ZNF222: variants seen among roughly 807,000 people sequenced by gnomAD.
ZNF222 encodes the protein zinc finger protein 222.
ZNF222 carries 8 observed loss-of-function variants against 11.6 expected under a neutral mutation model. That is an observed-to-expected ratio of 0.69 (90% CI 0.41 to 1.25). The LOEUF (loss-of-function observed/expected upper bound fraction) is 1.25, where lower values mean the gene tolerates loss of function less well. Ranked by LOEUF, ZNF222 falls within the 50% of genes most tolerant of loss-of-function variation. The pLI is 0.01. For missense variants in ZNF222, 483 were observed against 576.1 expected, an observed-to-expected ratio of 0.84 and a Z score of 1.65; for synonymous variants, 171 against 195.6, an observed-to-expected ratio of 0.87 and a Z score of 1.05.
intron 2 of ZNF222, 68 bp downstream of exon 2, chr19:44,027,217 C>T (rs1976397200): frequency 1.9e-6 from 3 of 1,598,854 alleles, no homozygotes; most frequent in South Asian, 2.2e-5. Context: ...CTAGGGTTTT[C>T]AAGTTTGAGT....
At position 44,025,416 on chromosome 19, in the gene ZNF222, C is replaced by G; in HGVS notation, c.-21C>G. 1 of 1,551,626 alleles carries G rather than the reference C, an allele frequency of 6.4e-7. No homozygotes were observed. The highest frequency in any genetic ancestry group is 1.2e-5 in the South Asian group (1 of 84,052). On this transcript the variant is annotated 5_prime_UTR_variant, in exon 1 of 4. Coordinates refer to ENST00000391960, the MANE Select transcript of ZNF222 (RefSeq NM_001129996.2). This position sits in a 1 kb window ranked among gnomAD's most constrained non-coding sequence, Gnocchi z 4.6. ...AGTCCTTCCGAACGAGTCTCCTTTC[C>G]TTGGGGCTCGCAACCACCCAATGAT...
Position 44,032,984 on chromosome 19 carries a change from G to A in ZNF222, c.1430G>A (p.Arg477His), listed in dbSNP as rs201894025. Reference protein sequence around the residue: ...CEDCGKRYKRRLNLDIILSLF... With the variant: ...CEDCGKRYKRHLNLDIILSLF... ...GACTGTGGGAAGCGCTACAAGAGGCGCTTGAATCTGGATATAATTTTATCA... is the reference window on the plus strand; with the variant it reads ...GACTGTGGGAAGCGCTACAAGAGGCACTTGAATCTGGATATAATTTTATCA... The change falls in exon 4 of 4, where the codon CGC (arginine) becomes CAC (histidine). Residue 477 changes from arginine to histidine, a missense_variant. Physicochemically the swap from Arg to His is conservative, Grantham distance 29. Transcript: ENST00000391960. 190 of 1,569,862 alleles carry A rather than the reference G, an allele frequency of 1.2e-4. No individual in the cohort carries two copies. Among genetic ancestry groups the A allele is most frequent in the Middle Eastern group, 3.4e-4 (2 of 5,836 alleles).
chr19:44,029,378 C>G (rs910118529), intron 3 of ZNF222, among the ~76,000 whole-genome samples: 7 of 151,938 alleles, frequency 4.6e-5, no homozygotes, highest in Admixed American at 2.6e-4. Context: ...TTGAGCTTTC[C>G]TTAAGGACCG....
Position 44,033,104 on chromosome 19 carries a change from C to T in ZNF222, c.*74C>T. Reference sequence around the variant, plus strand: ...TGCTGATTAAATCAGTTTAATTTCACCTGAAACATTATTTGTGTTGGAAAA... The same window carrying T: ...TGCTGATTAAATCAGTTTAATTTCATCTGAAACATTATTTGTGTTGGAAAA... On this transcript the variant is annotated 3_prime_UTR_variant, in exon 4 of 4. Transcript: ENST00000391960. 7.6e-7 allele frequency: 1 copy of T among 1,316,264 alleles called. No homozygotes were observed. The highest frequency in any genetic ancestry group is 9.9e-7 in the Non-Finnish European group (1 of 1,008,990). The allele number at this position is 1,316,264 out of a possible 1,614,324, so 81.5% of individuals were successfully genotyped here.
At chr19:44,028,118 C>G (rs1976420530) in intron 3 of ZNF222, 1 of 399,532 alleles carries the variant, frequency 2.5e-6, no homozygotes, top group Non-Finnish European at 4.4e-6. Context: ...CCTCCATCTT[C>G]AAAAGCAGCT....
At chr19:44,029,177 G>GTT (rs1568503536) in intron 3 of ZNF222, among the ~76,000 whole-genome samples, 1 of 125,914 alleles carries the variant, frequency 7.9e-6, no homozygotes, top group African/African-American at 3.2e-5. Flanking sequence ...ACAGTTGTTG[G>GTT]TTTGTTTTGT....
chr19:44,032,941 A>C lies in ZNF222; in HGVS notation c.1387A>C (p.Asn463His). The change falls in exon 4 of 4, where the codon AAC (asparagine) becomes CAC (histidine). Residue 463 changes from asparagine to histidine, a missense_variant. By Grantham distance (68) the Asn-to-His change is moderately conservative (BLOSUM62 1). Coordinates refer to ENST00000391960, the MANE Select transcript of ZNF222 (RefSeq NM_001129996.2). Reference protein sequence around the residue: ...KDQQRDHSGENPSKCEDCGKR... With the variant: ...KDQQRDHSGEHPSKCEDCGKR... The stretch of plus-strand genomic sequence containing the variant: ...CCAACAAAGAGACCACAGTGGAGAA[A>C]ACCCATCCAAATGTGAGGACTGTGG... 2 of 1,607,650 alleles carry C rather than the reference A, an allele frequency of 1.2e-6. No individual in the cohort carries two copies. Among genetic ancestry groups the C allele is most frequent in the Non-Finnish European group, 1.7e-6 (2 of 1,178,414 alleles).
chr19:44,032,391 G>T lies in ZNF222; in HGVS notation c.837G>T (p.Met279Ile). The change falls in exon 4 of 4, where the codon ATG becomes ATT. Residue 279 changes from methionine (M) to isoleucine (I), a missense_variant. By Grantham distance (10) the Met-to-Ile change is conservative (BLOSUM62 1). Transcript: ENST00000391960. ...YNCEKCGKAF[M>I]HNFQLQKHHR... ...GTGAGAAATGTGGGAAGGCTTTCAT[G>T]CACAATTTCCAGCTTCAGAAACATC... 3 of 1,614,142 alleles carry T rather than the reference G, an allele frequency of 1.9e-6. No homozygotes were observed. The highest frequency in any genetic ancestry group is 2.5e-6 in the Non-Finnish European group (3 of 1,180,036).
At chr19:44,027,564 G>T in intron 3 of ZNF222, 74 bp downstream of exon 3, 1 of 1,435,752 alleles carries the variant, frequency 7.0e-7, no homozygotes, top group Non-Finnish European at 9.7e-7. Flanking sequence ...CCAGCATTTT[G>T]GGGTAAATGG....
At position 44,032,494 on chromosome 19, in the gene ZNF222, A is replaced by G. The variant is rs959863874; in HGVS notation, c.940A>G (p.Arg314Gly). 8.7e-6 allele frequency: 14 copies of G among 1,614,110 alleles called. No homozygotes were observed. The African/African-American group carries it at 1.2e-4, about 14-fold the overall frequency. Residue 314 changes from arginine to glycine, a missense_variant, in exon 4 of 4, where the codon AGG (arginine) becomes GGG (glycine). Physicochemically the swap from Arg to Gly is moderately radical, Grantham distance 125 (BLOSUM62 -2). Transcript: ENST00000391960. ...KSFCLRSSLN[R>G]HCMVHTAEKL... Reference sequence around the variant, plus strand: ...CTTCTGTCTTAGGTCAAGTCTTAATAGGCATTGCATGGTCCACACAGCAGA... The same window carrying G: ...CTTCTGTCTTAGGTCAAGTCTTAATGGGCATTGCATGGTCCACACAGCAGA...
At chr19:44,026,054 G>A (rs767215399) in intron 1 of ZNF222, 192 of 1,613,364 alleles carry the variant, frequency 1.2e-4, no homozygotes, top group Non-Finnish European at 1.5e-4. Flanking sequence ...GCTGCAGGAA[G>A]GGACTTCTTG....
Position 44,032,264 on chromosome 19 carries a change from G to C in ZNF222, c.710G>C (p.Gly237Ala). Residue 237 changes from glycine (G) to alanine (A), a missense_variant, in exon 4 of 4, where the codon GGA becomes GCA. Transcript: ENST00000391960. ...RLQTHQRVHT[G>A]EKPFKCEQCG... The stretch of plus-strand genomic sequence containing the variant: ...CAAACTCATCAAAGAGTCCACACTG[G>C]AGAGAAACCATTCAAATGTGAGCAG... 1 of 1,614,236 alleles carries C rather than the reference G, an allele frequency of 6.2e-7. No individual in the cohort carries two copies.
chr19:44,028,504 A>G (rs1416199862), intron 3 of ZNF222: 1 of 357,814 alleles, frequency 2.8e-6, no homozygotes, highest in Non-Finnish European at 5.0e-6. Context: ...CTCAGTTTTA[A>G]TATCATGGGA....
Position 44,025,483 on chromosome 19 carries a change from G to A in ZNF222, c.42+5G>A, listed in dbSNP as rs1321334040. The A allele has an allele frequency of 6.5e-7, 1 of 1,546,504 alleles. No homozygotes were observed. Reference sequence around the variant, plus strand: ...AAGCCTGGGCGGAGAGCAGAGGTTTGGAGGGGCGCGGGCGGGGATTGCCGT... The same window carrying A: ...AAGCCTGGGCGGAGAGCAGAGGTTTAGAGGGGCGCGGGCGGGGATTGCCGT... On this transcript the variant is annotated splice_donor_5th_base_variant and intron_variant, in intron 1 of 3. Coordinates refer to ENST00000391960, the MANE Select transcript of ZNF222 (RefSeq NM_001129996.2). The surrounding 1 kb of genome is among the most constrained non-coding windows in gnomAD (Gnocchi z 4.6).
At position 44,031,926 on chromosome 19, in the gene ZNF222, A is replaced by C. The variant is rs771197669; in HGVS notation, c.372A>C (p.Gln124His). 1 of 1,614,252 alleles carries C rather than the reference A, an allele frequency of 6.2e-7. No individual in the cohort carries two copies. Among genetic ancestry groups the C allele is most frequent in the South Asian group, 1.1e-5 (1 of 91,088 alleles). The change falls in exon 4 of 4, where the codon CAA (glutamine) becomes CAC (histidine). Residue 124 changes from glutamine to histidine, a missense_variant. Physicochemically the swap from Gln to His is conservative, Grantham distance 24. Coordinates refer to ENST00000391960, the MANE Select transcript of ZNF222 (RefSeq NM_001129996.2). ...TTGCAAGTGACTTAACCAGGTCTCA[A>C]GATACCACCATAAGTAACTCTCAGT... ...EQIASDLTRS[Q>H]DTTISNSQLF...
chr19:44,032,586 G>T lies in ZNF222; in HGVS notation c.1032G>T (p.Gln344His). The change falls in exon 4 of 4, where the codon CAG becomes CAT. Residue 344 changes from glutamine to histidine, a missense_variant. Gln to His is a conservative substitution (Grantham distance 24, BLOSUM62 0). Transcript: ENST00000391960. ...ATAGGCTAGATTTGCATAAGCATCA[G>T]ATGATTCATATGGGACAGAAACCAT... ...FIDRLDLHKH[Q>H]MIHMGQKPYN... 6.2e-7 allele frequency: 1 copy of T among 1,614,160 alleles called. No individual in the cohort carries two copies. Among genetic ancestry groups the T allele is most frequent in the Non-Finnish European group, 8.5e-7 (1 of 1,180,042 alleles).
At position 44,027,058 on chromosome 19, in the gene ZNF222, C is replaced by T. The variant is rs1976391183; in HGVS notation, c.78C>T (p.Phe26=). Residue 26 remains phenylalanine (F), a synonymous_variant, in exon 2 of 4, where the codon TTC becomes TTT. Transcript: ENST00000391960. The stretch of plus-strand genomic sequence containing the variant: ...CCTTCAAGGATGTGGCTGTGATCTT[C>T]ACTGAGGAGGAGCTGGGGCTGCTGG... ...AVTFKDVAVI[F]TEEELGLLDP... 1.2e-6 allele frequency: 2 copies of T among 1,613,978 alleles called. No homozygotes were observed. Among genetic ancestry groups the T allele is most frequent in the South Asian group, 2.2e-5 (2 of 91,078 alleles).
In ZNF222 at chr19:44,025,408, C is replaced by T; in HGVS notation, c.-29C>T. The T allele has an allele frequency of 6.4e-7, 1 of 1,551,488 alleles. No homozygotes were observed. Among genetic ancestry groups the T allele is most frequent in the Non-Finnish European group, 8.7e-7 (1 of 1,146,802 alleles). ...ATCTTGCGAGTCCTTCCGAACGAGT[C>T]TCCTTTCCTTGGGGCTCGCAACCAC... On this transcript the variant is annotated 5_prime_UTR_variant, in exon 1 of 4. Coordinates refer to ENST00000391960, the MANE Select transcript of ZNF222 (RefSeq NM_001129996.2). The surrounding 1 kb of genome is among the most constrained non-coding windows in gnomAD (Gnocchi z 4.6).
intron 3 of ZNF222, among the ~76,000 whole-genome samples, chr19:44,030,453 C>T (rs138493314): frequency 5.0e-4 from 76 of 152,278 alleles, no homozygotes; most frequent in African/African-American, 1.8e-3. Context: ...AATTCGGCAG[C>T]TTTTCAAAAC....
Sources: gnomAD v4.1 joint callset for allele counts (sites outside exome capture counted in the v4.1 genomes callset) on GRCh38, gnomAD v4.1.1 for gene constraint, Gnocchi (gnomAD v3.1) non-coding constraint, MANE v1.5 for transcripts, NCBI Gene and HGNC (gene_info 2026-07-23, HGNC 2026-07-21) for gene names.